SNX29: variants seen among roughly 807,000 people sequenced by gnomAD.
SNX29 encodes sorting nexin 29.
SNX29 carries 78 observed loss-of-function variants against 102.1 expected under a neutral mutation model. That is an observed-to-expected ratio of 0.76 (90% confidence interval 0.64 to 0.92). SNX29 has a LOEUF of 0.92. SNX29 is among the 40% of genes least tolerant of loss of function. SNX29 has a pLI of 0.00. For missense variants in SNX29, 1,280 were observed against 1,061.7 expected, an observed-to-expected ratio of 1.21 and a Z score of -2.86; for synonymous variants, 580 against 414.5, an observed-to-expected ratio of 1.40 and a Z score of -4.85.
At chr16:12,505,612 G>T (rs1333152624) in intron 19 of SNX29, among the ~76,000 whole-genome samples, 3 of 152,092 alleles carry the variant, frequency 2.0e-5, no homozygotes, top group African/African-American at 4.8e-5. Context: ...GTTAGCTCAC[G>T]TGCTTCCTTG....
At chr16:12,287,480 C>T (rs913907835) in intron 15 of SNX29, among the ~76,000 whole-genome samples, 1 of 152,162 alleles carries the variant, frequency 6.6e-6, no homozygotes, top group South Asian at 2.1e-4. Flanking sequence ...CTTGTCCAGT[C>T]TTGTTTCATC....
chr16:12,337,630 C>T (rs1189964667), intron 15 of SNX29, among the ~76,000 whole-genome samples: 1 of 152,200 alleles, frequency 6.6e-6, no homozygotes, highest in Non-Finnish European at 1.5e-5. Flanking sequence ...GTGTGAGCCA[C>T]TTCACCTAGT....
intron 11 of SNX29, among the ~76,000 whole-genome samples, chr16:12,086,555 T>C (rs1345488123): frequency 6.6e-6 from 1 of 151,926 alleles, no homozygotes. Flanking sequence ...GGACTGAAGG[T>C]GCATGCCACC....
intron 19 of SNX29, among the ~76,000 whole-genome samples, chr16:12,479,338 C>G (rs533227403): frequency 6.6e-6 from 1 of 152,226 alleles, no homozygotes; most frequent in African/African-American, 2.4e-5. Flanking sequence ...AAACACAGAG[C>G]AAGAGTTTCC....
At chr16:12,460,102 G>C (rs1193152478) in intron 18 of SNX29, among the ~76,000 whole-genome samples, 1 of 152,194 alleles carries the variant, frequency 6.6e-6, no homozygotes, top group African/African-American at 2.4e-5. Context: ...GATCACATCA[G>C]AAGGTGACAT....
chr16:12,130,881 A>G lies in SNX29; in HGVS notation c.1595+1123A>G, dbSNP rs754907055. 6.3e-4 allele frequency among the ~76,000 whole-genome samples: 96 copies of G among 152,012 alleles called. 1 individual carries two copies. Among genetic ancestry groups the G allele is most frequent in the Admixed American group, 2.4e-3 (37 of 15,248 alleles). ...CATTTCCTTGTCTGACTGCATCAGA[A>G]TTCGTTTAACCAGCCTGCTGACAGC... On this transcript the variant is annotated intron_variant, in intron 13 of 20. Coordinates refer to ENST00000566228, the MANE Select transcript of SNX29 (RefSeq NM_032167.5).
rs71139583 is a variant in SNX29 at position 12,206,814 on chromosome 16, G to GTTTTTTT, written c.1678+7145_1678+7151dup. On this transcript the variant is annotated intron_variant, in intron 14 of 20. Transcript: ENST00000566228. ...AAAAATCAGTAGTGGGAATGAGGTG[G>GTTTTTTT]TTTTTTTTTTTTTTTTTTTTAAAGC... Among the ~76,000 whole-genome samples, 26 of 121,614 alleles carry GTTTTTTT rather than the reference G, an allele frequency of 2.1e-4. 4 individuals are homozygous for GTTTTTTT. The highest frequency in any genetic ancestry group is 4.7e-4 in the East Asian group (2 of 4,282). 79.8% of individuals were successfully genotyped at this position (121,614 alleles called of 152,430 possible).
intron 15 of SNX29, among the ~76,000 whole-genome samples, chr16:12,335,481 A>G (rs1346769127): frequency 6.6e-6 from 1 of 152,076 alleles, no homozygotes; most frequent in Non-Finnish European, 1.5e-5. Context: ...CCTGGGCAAC[A>G]TAGGGAGGAC....
intron 14 of SNX29, among the ~76,000 whole-genome samples, chr16:12,271,825 G>T (rs963325033): frequency 6.6e-6 from 1 of 152,140 alleles, no homozygotes. Context: ...GGTTTCACCT[G>T]TTGGGCAGGC....
At chr16:12,547,447 C>T (rs763976359) in intron 20 of SNX29, among the ~76,000 whole-genome samples, 1 of 152,114 alleles carries the variant, frequency 6.6e-6, no homozygotes, top group Non-Finnish European at 1.5e-5. Context: ...GGGGATGGTG[C>T]CTCAGGCAGC....
intron 8 of SNX29, among the ~76,000 whole-genome samples, chr16:12,054,176 C>T (rs941264737): frequency 5.3e-5 from 8 of 152,284 alleles, no homozygotes; most frequent in South Asian, 2.1e-4. Flanking sequence ...CCCTGTTAGC[C>T]GGGATGGTCT....
Position 12,403,255 on chromosome 16 carries a change from T to TGTGTGTGG in SNX29, c.1956-193_1956-192insGTGTGTGG, listed in dbSNP as rs200446987. Among the ~76,000 whole-genome samples the TGTGTGTGG allele has an allele frequency of 2.3e-3, 230 of 100,974 alleles. 1 individual carries two copies. The highest frequency in any genetic ancestry group is 8.4e-3 in the African/African-American group (201 of 24,016). 66.2% of individuals were successfully genotyped at this position (100,974 alleles called of 152,430 possible). On this transcript the variant is annotated intron_variant, in intron 17 of 20. Coordinates refer to ENST00000566228, the MANE Select transcript of SNX29 (RefSeq NM_032167.5). ...GTGTGTGTGTGTGTGTGTGTGTGTG[T>TGTGTGTGG]AGAGAGAGACAGACTGAGTGATGAC... is the stretch of plus-strand genomic sequence containing the variant.
At chr16:12,105,221 C>T (rs1003003930) in intron 11 of SNX29, among the ~76,000 whole-genome samples, 2 of 146,222 alleles carry the variant, frequency 1.4e-5, no homozygotes, top group African/African-American at 5.0e-5. Flanking sequence ...CCCTCCCTCC[C>T]TCCCTCCCTT....
At chr16:12,514,918 G>GAGAA (rs68136330) in intron 19 of SNX29, among the ~76,000 whole-genome samples, 2,031 of 149,320 alleles carry the variant, frequency 0.014, 27 homozygotes, top group East Asian at 0.048. Context: ...GAAAGAAAGA[G>GAGAA]AGAAAGAAAG....
chr16:12,563,918 C>T (rs1270554931), intron 20 of SNX29, among the ~76,000 whole-genome samples: 4 of 152,236 alleles, frequency 2.6e-5, no homozygotes, highest in Non-Finnish European at 4.4e-5. Flanking sequence ...CAGCCGAAGA[C>T]CTACAATACC....
In SNX29 at chr16:12,572,749, T is replaced by G; in HGVS notation, c.*4120T>G. The stretch of plus-strand genomic sequence containing the variant: ...TGATGGCAAAGGAAGGGCTGGGTTT[T>G]CAGCTTCTGGGACCCGAGGAAGACC... On this transcript the variant is annotated 3_prime_UTR_variant, in exon 21 of 21. Coordinates refer to ENST00000566228, the MANE Select transcript of SNX29 (RefSeq NM_032167.5). 9.4e-7 allele frequency: 1 copy of G among 1,064,110 alleles called. No individual in the cohort carries two copies. The highest frequency in any genetic ancestry group is 1.1e-6 in the Non-Finnish European group (1 of 878,544). 65.9% of individuals were successfully genotyped at this position (1,064,110 alleles called of 1,614,324 possible). A position where few individuals can be genotyped will look rare whatever the true frequency, so the allele number is the denominator to read the frequency against.
chr16:12,346,954 G>A (rs1036854325), intron 15 of SNX29, among the ~76,000 whole-genome samples: 3 of 152,156 alleles, frequency 2.0e-5, no homozygotes, highest in African/African-American at 7.2e-5. Context: ...TGGCAGCCCC[G>A]TGGCCAAGCG....
In SNX29 at chr16:12,450,654, A is replaced by T. The variant is rs142789085; in HGVS notation, c.2038-27065A>T. Among the ~76,000 whole-genome samples the T allele has an allele frequency of 8.9e-4, 136 of 152,292 alleles. 1 individual carries two copies. In the East Asian group the frequency reaches 0.026, roughly 29 times the overall value. On this transcript the variant is annotated intron_variant, in intron 18 of 20. Coordinates refer to ENST00000566228, the MANE Select transcript of SNX29 (RefSeq NM_032167.5). ...GGCCACGGTTACCAAAGAGGGTGCA[A>T]TATGAACCAGGTGGCCCAAAGGATG...
chr16:11,995,608 A>C (rs2056036429), intron 1 of SNX29, among the ~76,000 whole-genome samples: 1 of 150,754 alleles, frequency 6.6e-6, no homozygotes. Flanking sequence ...GAGGCTGCTG[A>C]CATCTCATCC....
Sources: allele counts gnomAD v4.1 joint callset (sites outside exome capture counted in the v4.1 genomes callset), GRCh38; gene constraint gnomAD v4.1.1; transcripts MANE v1.5; gene names NCBI Gene and HGNC (gene_info 2026-07-23, HGNC 2026-07-21).